RNF19A: variants seen among roughly 807,000 people sequenced by gnomAD.
RNF19A encodes the protein ring finger protein 19A, RBR E3 ubiquitin protein ligase, also known as E3 ubiquitin-protein ligase RNF19A.
RNF19A carries 32 observed loss-of-function variants against 75.7 expected under a neutral mutation model. The ratio of observed to expected loss-of-function variants is 0.42; its 90% CI spans 0.32 to 0.57. The LOEUF (loss-of-function observed/expected upper bound fraction) is 0.57. Ranked by LOEUF, RNF19A falls within the 20% of genes least tolerant of loss-of-function variation. The probability of loss-of-function intolerance (pLI) is 0.10; values close to 1 mark genes in which losing one functional copy is unlikely to be tolerated. For synonymous variants in RNF19A, 335 were observed against 345.2 expected (o/e 0.97, Z 0.33); for missense variants, 782 against 1,036.3 (o/e 0.75, Z 3.37).
In RNF19A at chr8:100,331,821, T is replaced by C. The variant is rs1029396604; in HGVS notation, c.-243+4287A>G. ...CTGTGCACATACAAATAAATCTATA[T>C]ATATCCTCCCCAGCCCTACCTACCT... On this transcript the variant is annotated intron_variant, in intron 1 of 3. Transcript: ENST00000519527. The surrounding 1 kb of genome is among the most constrained non-coding windows in gnomAD (Gnocchi z 5.2). Among the ~76,000 whole-genome samples, 7 of 152,190 alleles carry C rather than the reference T, an allele frequency of 4.6e-5. No individual in the cohort carries two copies. The highest frequency in any genetic ancestry group is 8.8e-5 in the Non-Finnish European group (6 of 68,040).
chr8:100,282,091 G>A (rs1355220882), intron 2 of RNF19A, among the ~76,000 whole-genome samples: 1 of 152,180 alleles, frequency 6.6e-6, no homozygotes. Context: ...GTCCAATTTA[G>A]GGATGAAGTG....
Position 100,333,511 on chromosome 8 carries a change from T to C in RNF19A, c.-243+2597A>G, listed in dbSNP as rs1822636337. On this transcript the variant is annotated intron_variant, in intron 1 of 3. Transcript: ENST00000519527. This position sits in a 1 kb window ranked among gnomAD's most constrained non-coding sequence, Gnocchi z 4.7. ...AAGATTGCTTATACAGCGAGATCAG[T>C]ACCATATAAAAGTATATCAAAATCA... Among the ~76,000 whole-genome samples the C allele has an allele frequency of 6.6e-6, 1 of 152,236 alleles. No individual in the cohort carries two copies. The highest frequency in any genetic ancestry group is 2.1e-4 in the South Asian group (1 of 4,836).
chr8:100,274,153 G>A (rs1281124885), intron 3 of RNF19A, among the ~76,000 whole-genome samples: 4 of 152,154 alleles, frequency 2.6e-5, no homozygotes, highest in Middle Eastern at 3.2e-3. Flanking sequence ...TAGAGAATGT[G>A]GGATTTGAAT....
intron 5 of RNF19A, among the ~76,000 whole-genome samples, chr8:100,268,003 T>C (rs574450790): frequency 5.3e-5 from 8 of 152,130 alleles, no homozygotes; most frequent in African/African-American, 1.9e-4. Context: ...TGAAAATTGC[T>C]ATCCTTTGTT....
In RNF19A at chr8:100,284,153, G is replaced by A. The variant is rs1375068457; in HGVS notation, c.674+3348C>T. Among the ~76,000 whole-genome samples the A allele has an allele frequency of 6.6e-6, 1 of 152,026 alleles. No individual in the cohort carries two copies. Among genetic ancestry groups the A allele is most frequent in the Non-Finnish European group, 1.5e-5 (1 of 67,966 alleles). On this transcript the variant is annotated intron_variant, in intron 2 of 9. Transcript: ENST00000341084. This position sits in a 1 kb window ranked among gnomAD's most constrained non-coding sequence, Gnocchi z 4.3. ...GTAAGAGCAATGACAAGCTTACTGTGTGCTAGGAATTTTGCTAGTAATAGC... is the reference window on the plus strand; with the variant it reads ...GTAAGAGCAATGACAAGCTTACTGTATGCTAGGAATTTTGCTAGTAATAGC...
intron 3 of RNF19A, among the ~76,000 whole-genome samples, chr8:100,270,747 T>C (rs1455671534): frequency 6.6e-6 from 1 of 152,154 alleles, no homozygotes; most frequent in Non-Finnish European, 1.5e-5. Flanking sequence ...GTTATGCTCA[T>C]GACTTTTAAA....
chr8:100,260,429 C>G lies in RNF19A; in HGVS notation c.1683-432G>C, dbSNP rs1402686362. Among the ~76,000 whole-genome samples the G allele has an allele frequency of 6.6e-6, 1 of 151,968 alleles. No homozygotes were observed. The highest frequency in any genetic ancestry group is 1.5e-5 in the Non-Finnish European group (1 of 67,990). Reference sequence around the variant, plus strand: ...TATAAATAACACCTGCCTTTTAATACTTTATTTATTTATATATATTTTTAG... The same window carrying G: ...TATAAATAACACCTGCCTTTTAATAGTTTATTTATTTATATATATTTTTAG... On this transcript the variant is annotated intron_variant, in intron 8 of 9. Transcript: ENST00000341084. The surrounding 1 kb of genome is among the most constrained non-coding windows in gnomAD (Gnocchi z 4.1).
chr8:100,319,790 A>T (rs1673783540), intron 1 of RNF19A, among the ~76,000 whole-genome samples: 1 of 150,836 alleles, frequency 6.6e-6, no homozygotes, highest in Admixed American at 6.6e-5. Context: ...TCAGCCTCCC[A>T]AAGTGCTGGG....
chr8:100,290,795 T>A (rs1485756676), intron 1 of RNF19A, among the ~76,000 whole-genome samples: 2 of 152,202 alleles, frequency 1.3e-5, no homozygotes, highest in Non-Finnish European at 2.9e-5. Context: ...GTATACTGTA[T>A]AGATTATTGC....
intron 1 of RNF19A, among the ~76,000 whole-genome samples, chr8:100,296,646 A>C (rs1382386666): frequency 6.6e-6 from 1 of 152,244 alleles, no homozygotes; most frequent in Admixed American, 6.5e-5. Context: ...TTCTCCAAGG[A>C]GTCTAAAGTA....
chr8:100,287,227 C>T lies in RNF19A; in HGVS notation c.674+274G>A, dbSNP rs1229984283. Among the ~76,000 whole-genome samples, 1 of 152,052 alleles carries T rather than the reference C, an allele frequency of 6.6e-6. No homozygotes were observed. Among genetic ancestry groups the T allele is most frequent in the Admixed American group, 6.5e-5 (1 of 15,270 alleles). On this transcript the variant is annotated intron_variant, in intron 2 of 9. Coordinates refer to ENST00000341084, the MANE Select transcript of RNF19A (RefSeq NM_183419.4). The surrounding 1 kb of genome is among the most constrained non-coding windows in gnomAD (Gnocchi z 4.1). ...AAATTCTCCAAATGGATGAGAAAACCAATTTTGTATACAACTAGATCCTGT... is the reference window on the plus strand; with the variant it reads ...AAATTCTCCAAATGGATGAGAAAACTAATTTTGTATACAACTAGATCCTGT...
In RNF19A at chr8:100,288,180, T is replaced by C. The variant is rs762941358; in HGVS notation, c.-6A>G. 8.8e-6 allele frequency: 14 copies of C among 1,592,222 alleles called. No individual in the cohort carries two copies. Among genetic ancestry groups the C allele is most frequent in the Middle Eastern group, 3.4e-4 (2 of 5,970 alleles). ...CCTATTTCTTGTTCTTGCATTCACA[T>C]TAAGTCATGATGTAAGAATATCCTA... On this transcript the variant is annotated 5_prime_UTR_variant, in exon 2 of 10. An upstream start codon of the reference 5' UTR is lost. Coordinates refer to ENST00000341084, the MANE Select transcript of RNF19A (RefSeq NM_183419.4).
At chr8:100,265,092 AATTAAG>A (rs1819909514) in intron 5 of RNF19A, among the ~76,000 whole-genome samples, 2 of 152,186 alleles carry the variant, frequency 1.3e-5, no homozygotes, top group African/African-American at 4.8e-5. Flanking sequence ...AAGAGGAAGA[AATTAAG>A]ATTATTATTT....
chr8:100,287,775 A>C lies in RNF19A; in HGVS notation c.400T>G (p.Leu134Val). ...KQIGDFIECP[L>V]CLLRHSKDRF... ...TCTTTAGAATGCCGCAAAAGGCACA[A>C]AGGGCACTCTATGAAGTCTCCAATT... Residue 134 changes from leucine to valine, a missense_variant, in exon 2 of 10, where the codon TTG (leucine) becomes GTG (valine). Coordinates refer to ENST00000341084, the MANE Select transcript of RNF19A (RefSeq NM_183419.4). This position sits in a 1 kb window ranked among gnomAD's most constrained non-coding sequence, Gnocchi z 4.1. The C allele has an allele frequency of 6.2e-7, 1 of 1,614,188 alleles. No homozygotes were observed. The highest frequency in any genetic ancestry group is 2.2e-5 in the East Asian group (1 of 44,874).
chr8:100,306,392 T>C (rs923307575), intron 1 of RNF19A, among the ~76,000 whole-genome samples: 1 of 152,146 alleles, frequency 6.6e-6, no homozygotes, highest in African/African-American at 2.4e-5. Context: ...AAATTAACAG[T>C]AATTCTTTAG....
In RNF19A at chr8:100,325,217, C is replaced by T. The variant is rs1030108757; in HGVS notation, c.-243+10891G>A. Among the ~76,000 whole-genome samples, 3 of 152,090 alleles carry T rather than the reference C, an allele frequency of 2.0e-5. No homozygotes were observed. Among genetic ancestry groups the T allele is most frequent in the Admixed American group, 6.6e-5 (1 of 15,266 alleles). On this transcript the variant is annotated intron_variant, in intron 1 of 3. Transcript: ENST00000519527. This position sits in a 1 kb window ranked among gnomAD's most constrained non-coding sequence, Gnocchi z 4.3. Reference sequence around the variant, plus strand: ...GCCACTGCGCCCAGCTTAAAAGCATCGATTTTTAATAGAAAATCCTAGAAG... The same window carrying T: ...GCCACTGCGCCCAGCTTAAAAGCATTGATTTTTAATAGAAAATCCTAGAAG...
At position 100,257,727 on chromosome 8, in the gene RNF19A, G is replaced by GC; in HGVS notation, c.*828dup. 3.2e-6 allele frequency: 1 copy of GC among 312,394 alleles called. No homozygotes were observed. Among genetic ancestry groups the GC allele is most frequent in the Non-Finnish European group, 5.8e-6 (1 of 172,396 alleles). The allele number at this position is 312,394 out of a possible 1,614,324, so 19.4% of individuals were successfully genotyped here. On this transcript the variant is annotated 3_prime_UTR_variant, in exon 10 of 10. Coordinates refer to ENST00000341084, the MANE Select transcript of RNF19A (RefSeq NM_183419.4). ...CACAGCAAAATCCTCAAATAACTAG[G>GC]CCATTAAAACCCAGTCGATCCCAAA...
At chr8:100,315,643 C>T (rs945980749) in intron 1 of RNF19A, among the ~76,000 whole-genome samples, 37 of 151,992 alleles carry the variant, frequency 2.4e-4, no homozygotes, top group African/African-American at 6.0e-4. Flanking sequence ...TTTTCTTCTT[C>T]GTCGTCTTGT....
intron 1 of RNF19A, among the ~76,000 whole-genome samples, chr8:100,297,092 T>C (rs1349032301): frequency 1.3e-5 from 2 of 152,224 alleles, no homozygotes; most frequent in African/African-American, 2.4e-5. Context: ...TTACTTAAAA[T>C]GGCAATTACC....
Sources: allele counts gnomAD v4.1 joint callset (sites outside exome capture counted in the v4.1 genomes callset), GRCh38; gene constraint gnomAD v4.1.1; non-coding constraint Gnocchi (gnomAD v3.1); transcripts MANE v1.5; gene names NCBI Gene and HGNC (gene_info 2026-07-23, HGNC 2026-07-21).